Variants in GRAP2 observed in about 807,000 individuals in gnomAD.
GRAP2 encodes the protein GRB2 related adaptor protein 2, also known as GRB2-related adapter protein 2.
Under a neutral mutation model 43.5 loss-of-function variants are expected in GRAP2, and 31 were observed. The ratio of observed to expected loss-of-function variants is 0.71; its 90% CI spans 0.54 to 0.96. The LOEUF is 0.96. Among genes scored for constraint, GRAP2 ranks in the 40% least tolerant of loss-of-function variants. The pLI is 0.00. For missense variants in GRAP2, 371 were observed against 424.4 expected, an observed-to-expected ratio of 0.87 and a Z score of 1.11; for synonymous variants, 156 against 164.8, an observed-to-expected ratio of 0.95 and a Z score of 0.41.
intron 3 of GRAP2, among the ~76,000 whole-genome samples, chr22:39,959,192 T>A: frequency 6.6e-6 from 1 of 152,232 alleles, no homozygotes; most frequent in South Asian, 2.1e-4. Context: ...GTCTCTGGCC[T>A]CCTGCTTTGA....
chr22:39,918,809 C>G (rs761855468), intron 1 of GRAP2, among the ~76,000 whole-genome samples: 1 of 152,154 alleles, frequency 6.6e-6, no homozygotes, highest in Admixed American at 6.5e-5. Flanking sequence ...ATTAACAAAA[C>G]GTTGTTTAGT....
Position 39,938,139 on chromosome 22 carries a change from C to G in GRAP2, c.-14-8954C>G, listed in dbSNP as rs1012280327. Among the ~76,000 whole-genome samples, 7 of 152,288 alleles carry G rather than the reference C, an allele frequency of 4.6e-5. No homozygotes were observed. In the East Asian group the frequency reaches 1.4e-3, roughly 29 times the overall value. The stretch of plus-strand genomic sequence containing the variant: ...ATAGGCCCTGCATGGGGACAGTCTC[C>G]TGACTTGTCTTCTTCCTTCTCTACT... On this transcript the variant is annotated intron_variant, in intron 1 of 7. Coordinates refer to ENST00000344138, the MANE Select transcript of GRAP2 (RefSeq NM_004810.4).
At chr22:39,895,627 G>A in the GRAP2 span, among the ~76,000 whole-genome samples, 136 of 152,268 alleles carry the variant, frequency 8.9e-4, 1 homozygote, top group African/African-American at 3.2e-3. Context: ...AGAAGTAGGC[G>A]TTATTATCCC....
At chr22:39,952,365 A>G (rs1254442920) in intron 2 of GRAP2, among the ~76,000 whole-genome samples, 1 of 152,156 alleles carries the variant, frequency 6.6e-6, no homozygotes, top group Non-Finnish European at 1.5e-5. Context: ...TAGTTTCCAA[A>G]TGGCCTCTTT....
intron 1 of GRAP2, among the ~76,000 whole-genome samples, chr22:39,929,755 C>A (rs1018652209): frequency 1.1e-4 from 17 of 152,194 alleles, no homozygotes; most frequent in Non-Finnish European, 1.9e-4. Context: ...TAGCTCTACC[C>A]AGACTTTTTT....
chr22:39,946,213 C>T (rs1012968656), intron 1 of GRAP2, among the ~76,000 whole-genome samples: 1 of 152,168 alleles, frequency 6.6e-6, no homozygotes, highest in Non-Finnish European at 1.5e-5. Flanking sequence ...ATATTATGAT[C>T]ACCATTTTAT....
At chr22:39,938,795 A>G (rs1249105161) in intron 1 of GRAP2, among the ~76,000 whole-genome samples, 1 of 152,242 alleles carries the variant, frequency 6.6e-6, no homozygotes, top group Non-Finnish European at 1.5e-5. Context: ...TTCGGGGAAC[A>G]CACCTGCACA....
intron 1 of GRAP2, among the ~76,000 whole-genome samples, chr22:39,919,447 T>C (rs2066631702): frequency 6.6e-6 from 1 of 152,228 alleles, no homozygotes; most frequent in Non-Finnish European, 1.5e-5. Flanking sequence ...CTGTTTTTTA[T>C]TTTATTTAGA....
At chr22:39,934,575 CAG>C (rs2066787785) in intron 1 of GRAP2, among the ~76,000 whole-genome samples, 1 of 152,204 alleles carries the variant, frequency 6.6e-6, no homozygotes, top group Admixed American at 6.5e-5. Context: ...AACAAAAACA[CAG>C]TGAAAGTCAG....
chr22:39,912,432 G>T (rs2066573740), intron 1 of GRAP2, among the ~76,000 whole-genome samples: 1 of 152,138 alleles, frequency 6.6e-6, no homozygotes, highest in East Asian at 1.9e-4. Context: ...TGGAAAAAAA[G>T]TACTCTTGCC....
At chr22:39,900,233 A>AC (rs1286658655), upstream of GRAP2, among the ~76,000 whole-genome samples, 2 of 152,128 alleles carry the variant, frequency 1.3e-5, no homozygotes, top group African/African-American at 4.8e-5. Context: ...AAATTTTAGA[A>AC]CCCCAAATTG....
rs1357987360 is a variant in GRAP2, at chr22:39,971,308, C to G, written c.*224C>G. On this transcript the variant is annotated 3_prime_UTR_variant, in exon 8 of 8. Coordinates refer to ENST00000344138, the MANE Select transcript of GRAP2 (RefSeq NM_004810.4). ...ATATTGACACTTGCTTTTCTGCCCC[C>G]CTCAGGGGTGTGTGGAAGGCAGTGG... 1 of 514,826 alleles carries G rather than the reference C, an allele frequency of 1.9e-6. No homozygotes were observed. 31.9% of individuals were successfully genotyped at this position (514,826 alleles called of 1,614,324 possible).
intron 1 of GRAP2, among the ~76,000 whole-genome samples, chr22:39,916,249 A>G (rs765069581): frequency 2.6e-4 from 39 of 152,232 alleles, no homozygotes; most frequent in Non-Finnish European, 4.7e-4. Context: ...ACAGCACTTC[A>G]TCACCTCCGT....
At chr22:39,931,276 C>A (rs2066752827) in intron 1 of GRAP2, among the ~76,000 whole-genome samples, 1 of 152,126 alleles carries the variant, frequency 6.6e-6, no homozygotes, top group African/African-American at 2.4e-5. Flanking sequence ...ATCACCAATT[C>A]CTGGAAGTAC....
At chr22:39,958,691 C>G (rs1408821434) in intron 3 of GRAP2, among the ~76,000 whole-genome samples, 1 of 152,194 alleles carries the variant, frequency 6.6e-6, no homozygotes. Context: ...ATGTGTATTT[C>G]CTAAATCCCC....
chr22:39,967,971 C>T, intron 5 of GRAP2, 71 bp from the exon 6 acceptor site: 3 of 1,543,754 alleles, frequency 1.9e-6, no homozygotes, highest in Non-Finnish European at 2.6e-6. Context: ...GGAACAACTG[C>T]CCGAGGGTAG....
In GRAP2 at chr22:39,901,088, T is replaced by A. The variant is rs76342941; in HGVS notation, c.-257T>A. 1.7e-3 allele frequency: 636 copies of A among 380,374 alleles called. 2 individuals are homozygous for A. The highest frequency in any genetic ancestry group is 0.013 in the African/African-American group (603 of 47,756). The allele number at this position is 380,374 out of a possible 1,614,324, so 23.6% of individuals were successfully genotyped here. ...GTTCCTGTGTGGTTTGCCTACAGAC[T>A]GCAGGGCTGACTAGGGTTAGTTTGG... On this transcript the variant is annotated 5_prime_UTR_variant, in exon 1 of 8. Transcript: ENST00000344138.
rs1346989363 is a variant in GRAP2 at position 39,970,949 on chromosome 22, G to C, written c.858G>C (p.Glu286Asp). The C allele has an allele frequency of 6.2e-7, 1 of 1,613,454 alleles. No homozygotes were observed. The highest frequency in any genetic ancestry group is 2.2e-5 in the East Asian group (1 of 44,852). ...ARALYDFEAL[E>D]DDELGFHSGE... ...CGCTGTATGACTTTGAGGCCCTGGA[G>C]GATGACGAGCTGGGGTTCCACAGCG... is the stretch of plus-strand genomic sequence containing the variant. Residue 286 changes from glutamate (E) to aspartate (D), a missense_variant, in exon 8 of 8, where the codon GAG becomes GAC. Glu to Asp is a conservative substitution (Grantham distance 45). Transcript: ENST00000344138.
At chr22:39,901,943 T>G (rs2066496062) in intron 1 of GRAP2, among the ~76,000 whole-genome samples, 1 of 152,226 alleles carries the variant, frequency 6.6e-6, no homozygotes, top group African/African-American at 2.4e-5. Flanking sequence ...GATAGCTGCT[T>G]TGTGTTCTTT....
Sources: gnomAD v4.1 joint callset for allele counts (sites outside exome capture counted in the v4.1 genomes callset) on GRCh38, gnomAD v4.1.1 for gene constraint, MANE v1.5 for transcripts, NCBI Gene and HGNC (gene_info 2026-07-23, HGNC 2026-07-21) for gene names.